The following SUCLG2 variants were observed in gnomAD, a reference collection of about 807,000 sequenced individuals.
SUCLG2 encodes succinate-CoA ligase GDP-forming subunit beta, also known as succinate--CoA ligase [GDP-forming] subunit beta, mitochondrial.
A neutral mutation model predicts 47.9 loss-of-function variants in SUCLG2; 42 were observed. The ratio of observed to expected loss-of-function variants is 0.88; its 90% CI spans 0.69 to 1.14. SUCLG2 has a LOEUF of 1.14. Among genes scored for constraint, SUCLG2 ranks in the 50% most tolerant of loss-of-function variants. SUCLG2 has a pLI of 0.00. For synonymous variants in SUCLG2, 195 were observed against 197.3 expected, an observed-to-expected ratio of 0.99 and a Z score of 0.10; for missense variants, 571 against 525.9, an observed-to-expected ratio of 1.09 and a Z score of -0.84.
rs536936709 is a variant in SUCLG2, at chr3:67,564,317, C to T, written c.227-35131G>A. 1.4e-3 allele frequency among the ~76,000 whole-genome samples: 219 copies of T among 152,258 alleles called. 1 individual carries two copies. The highest frequency in any genetic ancestry group is 4.9e-3 in the African/African-American group (204 of 41,560). ...CTACAGGGCTCACTAGCTTTCCCCCCTCCCCTCGCTATTAATAGTACTCAC... is the reference window on the plus strand; with the variant it reads ...CTACAGGGCTCACTAGCTTTCCCCCTTCCCCTCGCTATTAATAGTACTCAC... On this transcript the variant is annotated intron_variant, in intron 2 of 10. Coordinates refer to ENST00000307227, the MANE Select transcript of SUCLG2 (RefSeq NM_003848.4).
chr3:67,559,604 A>G (rs1707254383), intron 2 of SUCLG2, among the ~76,000 whole-genome samples: 1 of 152,190 alleles, frequency 6.6e-6, no homozygotes, highest in African/African-American at 2.4e-5. Context: ...ATTTCAATGC[A>G]AGATGAAATA....
intron 2 of SUCLG2, among the ~76,000 whole-genome samples, chr3:67,597,315 A>G (rs1708316080): frequency 6.6e-6 from 1 of 152,088 alleles, no homozygotes; most frequent in Non-Finnish European, 1.5e-5. Context: ...TACAATCATG[A>G]CCCAATGACA....
chr3:67,441,542 CCT>C (rs1703764217), intron 9 of SUCLG2, among the ~76,000 whole-genome samples: 1 of 152,164 alleles, frequency 6.6e-6, no homozygotes, highest in Non-Finnish European at 1.5e-5. Flanking sequence ...CAGTTTGTAA[CCT>C]CATGGGAGAC....
At chr3:67,417,047 G>T (rs1703053755) in intron 9 of SUCLG2, among the ~76,000 whole-genome samples, 1 of 151,900 alleles carries the variant, frequency 6.6e-6, no homozygotes, top group Admixed American at 6.6e-5. Context: ...TTGATTCTCT[G>T]AAAAGAAAGC....
At chr3:67,599,500 A>G (rs940434398) in intron 2 of SUCLG2, among the ~76,000 whole-genome samples, 34 of 152,214 alleles carry the variant, frequency 2.2e-4, no homozygotes, top group African/African-American at 8.2e-4. Context: ...TCTCATGTTT[A>G]TGATGCTAAT....
intron 9 of SUCLG2, among the ~76,000 whole-genome samples, chr3:67,473,264 T>C (rs1293418272): frequency 2.0e-5 from 3 of 152,132 alleles, no homozygotes; most frequent in Non-Finnish European, 2.9e-5. Flanking sequence ...ACTACAGCCT[T>C]GACCTCCCGG....
chr3:67,653,651 T>C (rs1005901862), intron 1 of SUCLG2, among the ~76,000 whole-genome samples: 2 of 152,236 alleles, frequency 1.3e-5, no homozygotes, highest in South Asian at 2.1e-4. Flanking sequence ...TCCCAGACTG[T>C]GCTTTCTTTA....
intron 10 of SUCLG2, chr3:67,360,889 C>A (rs760397958): frequency 8.8e-5 from 72 of 819,122 alleles, no homozygotes; most frequent in Non-Finnish European, 1.2e-4. Context: ...CATCGTGTTA[C>A]TGATTCTTCT....
intron 9 of SUCLG2, among the ~76,000 whole-genome samples, chr3:67,447,316 T>C (rs1182869637): frequency 6.6e-6 from 1 of 152,222 alleles, no homozygotes; most frequent in East Asian, 1.9e-4. Context: ...TAACAAGTCA[T>C]TACCAAAAAG....
intron 10 of SUCLG2, among the ~76,000 whole-genome samples, chr3:67,383,745 C>T (rs927870458): frequency 8.6e-5 from 13 of 152,044 alleles, no homozygotes; most frequent in South Asian, 2.1e-4. Flanking sequence ...CTTTCAATTA[C>T]GTTAACCCTT....
chr3:67,607,588 C>G (rs929811170), intron 2 of SUCLG2, among the ~76,000 whole-genome samples: 3 of 152,072 alleles, frequency 2.0e-5, no homozygotes, highest in Admixed American at 6.6e-5. Flanking sequence ...AGGACCTGAT[C>G]CCTAATATCT....
chr3:67,592,736 AC>A (rs1312927229), intron 2 of SUCLG2, among the ~76,000 whole-genome samples: 1,846 of 60,672 alleles, frequency 0.03, 76 homozygotes, highest in African/African-American at 0.069. Context: ...AAAAAAAAAA[AC>A]AACAAAAAAA....
intron 9 of SUCLG2, among the ~76,000 whole-genome samples, chr3:67,495,416 A>T (rs990568791): frequency 6.6e-6 from 1 of 152,052 alleles, no homozygotes; most frequent in African/African-American, 2.4e-5. Context: ...GCACTTTTGG[A>T]GGCCTAGGCG....
intron 9 of SUCLG2, among the ~76,000 whole-genome samples, chr3:67,483,019 G>A (rs1704957420): frequency 6.6e-6 from 1 of 152,046 alleles, no homozygotes; most frequent in African/African-American, 2.4e-5. Context: ...TAATTAACTC[G>A]GATTTGTACC....
intron 9 of SUCLG2, among the ~76,000 whole-genome samples, chr3:67,432,861 C>T (rs1304106839): frequency 6.6e-6 from 1 of 152,204 alleles, no homozygotes; most frequent in Non-Finnish European, 1.5e-5. Flanking sequence ...ATTTCGGTTA[C>T]CCTTTCACCT....
At chr3:67,469,992 C>T (rs1704564684) in intron 9 of SUCLG2, among the ~76,000 whole-genome samples, 1 of 150,572 alleles carries the variant, frequency 6.6e-6, no homozygotes, top group Admixed American at 6.6e-5. Context: ...TTGCAAAGTG[C>T]CAAGATCACG....
At chr3:67,396,822 C>T (rs1702542007) in intron 10 of SUCLG2, among the ~76,000 whole-genome samples, 1 of 152,168 alleles carries the variant, frequency 6.6e-6, no homozygotes, top group African/African-American at 2.4e-5. Context: ...AGCTTATCCA[C>T]CATGATCAAG....
chr3:67,609,618 G>A, intron 1 of SUCLG2, 22 bp from the exon 2 acceptor site: 2 of 1,608,734 alleles, frequency 1.2e-6, no homozygotes, highest in Non-Finnish European at 1.7e-6. Context: ...GAAGGAGAGA[G>A]GTAAGAACAT....
chr3:67,466,119 G>A (rs559901824), intron 9 of SUCLG2, among the ~76,000 whole-genome samples: 2 of 152,196 alleles, frequency 1.3e-5, no homozygotes, highest in South Asian at 4.2e-4. Flanking sequence ...TTGGGAGGCT[G>A]AGGCAGGTGG....
Sources: gnomAD v4.1 joint callset for allele counts (sites outside exome capture counted in the v4.1 genomes callset) on GRCh38, gnomAD v4.1.1 for gene constraint, MANE v1.5 for transcripts, NCBI Gene and HGNC (gene_info 2026-07-23, HGNC 2026-07-21) for gene names.